The following CHST10 variants were observed in gnomAD, a reference collection of about 807,000 sequenced individuals.
CHST10 encodes HNK-1 sulfotransferase.
In CHST10, 24 loss-of-function variants were observed where a neutral mutation model predicts 34.7. The ratio of observed to expected loss-of-function variants is 0.69; its 90% CI spans 0.50 to 0.97. The LOEUF (loss-of-function observed/expected upper bound fraction) is 0.97. CHST10 is among the 50% of genes least tolerant of loss of function. CHST10 has a pLI of 0.00. For synonymous variants in CHST10, 161 were observed against 169.3 expected (o/e 0.95, Z 0.38); for missense variants, 402 against 452.1 (o/e 0.89, Z 1.00).
chr2:100,395,897 C>A (rs1174739984), intron 5 of CHST10, among the ~76,000 whole-genome samples: 2 of 152,176 alleles, frequency 1.3e-5, no homozygotes, highest in East Asian at 3.9e-4. Context: ...CAGTGCCTAC[C>A]CCTGGCAATG....
At chr2:100,397,866 C>G in intron 5 of CHST10, 42 bp downstream of exon 5, 2 of 1,535,792 alleles carry the variant, frequency 1.3e-6, no homozygotes, top group Non-Finnish European at 1.8e-6. Flanking sequence ...GCACCGGCCA[C>G]CAAGACCCTT....
intron 4 of CHST10, among the ~76,000 whole-genome samples, chr2:100,398,871 G>C (rs1675200068): frequency 1.3e-5 from 2 of 152,118 alleles, no homozygotes; most frequent in Admixed American, 1.3e-4. Context: ...TGTGTGCATG[G>C]GTTGGAGGGG....
chr2:100,397,298 T>C (rs1675106427), intron 5 of CHST10, among the ~76,000 whole-genome samples: 1 of 152,224 alleles, frequency 6.6e-6, no homozygotes, highest in African/African-American at 2.4e-5. Flanking sequence ...TGAGGTTACT[T>C]TGTGATGATC....
At position 100,393,283 on chromosome 2, in the gene CHST10, G is replaced by A. The variant is rs1401096800; in HGVS notation, c.1033C>T (p.Leu345Phe). 1.2e-6 allele frequency: 2 copies of A among 1,614,192 alleles called. No individual in the cohort carries two copies. The highest frequency in any genetic ancestry group is 1.7e-6 in the Non-Finnish European group (2 of 1,180,034). Reference protein sequence around the residue: ...LYARFEGDFKLFGYQKPDFLL... With the variant: ...LYARFEGDFKFFGYQKPDFLL... Reference sequence around the variant, plus strand: ...AAGTCTGGTTTCTGGTACCCAAAGAGCTTAAAGTCCCCTTCGAAACGGGCA... The same window carrying A: ...AAGTCTGGTTTCTGGTACCCAAAGAACTTAAAGTCCCCTTCGAAACGGGCA... Residue 345 changes from leucine to phenylalanine, a missense_variant, in exon 7 of 7, where the codon CTC becomes TTC. Physicochemically the swap from Leu to Phe is conservative, Grantham distance 22 (BLOSUM62 0). Coordinates refer to ENST00000264249, the MANE Select transcript of CHST10 (RefSeq NM_004854.5).
intron 2 of CHST10, among the ~76,000 whole-genome samples, chr2:100,414,467 G>A (rs375589451): frequency 9.9e-5 from 15 of 152,112 alleles, no homozygotes; most frequent in African/African-American, 3.4e-4. Context: ...CTGCAGAAAC[G>A]GGGACATTTC....
Position 100,415,012 on chromosome 2 carries a change from C to G in CHST10, c.-33+29G>C, listed in dbSNP as rs370608495. On this transcript the variant is annotated intron_variant, in intron 2 of 6. Transcript: ENST00000264249. ...AATACTGAATGGCATGCTCAAATAA[C>G]TGATGAGCTCACATTCTCCTTCACG... 41 of 1,287,162 alleles carry G rather than the reference C, an allele frequency of 3.2e-5. No homozygotes were observed. The African/African-American group carries it at 3.2e-4, about 10-fold the overall frequency. The allele number at this position is 1,287,162 out of a possible 1,614,324, so 79.7% of individuals were successfully genotyped here. A position where few individuals can be genotyped will look rare whatever the true frequency, so the allele number is the denominator to read the frequency against.
intron 3 of CHST10, among the ~76,000 whole-genome samples, chr2:100,404,328 G>A (rs1304327342): frequency 1.3e-5 from 2 of 152,102 alleles, no homozygotes; most frequent in Non-Finnish European, 2.9e-5. Context: ...CAGTGACCCA[G>A]CACCCACACA....
At chr2:100,410,270 G>A (rs926670394) in intron 2 of CHST10, among the ~76,000 whole-genome samples, 16 of 152,144 alleles carry the variant, frequency 1.1e-4, no homozygotes, top group Admixed American at 9.2e-4. Flanking sequence ...CTTTCCCATG[G>A]GCAGCAGAGG....
intron 4 of CHST10, among the ~76,000 whole-genome samples, chr2:100,398,936 G>A (rs538361045): frequency 5.3e-5 from 8 of 152,110 alleles, no homozygotes; most frequent in South Asian, 2.1e-4. Flanking sequence ...CCCTGTCCTC[G>A]GTGAGTTAAA....
At chr2:100,410,463 CTGG>C (rs546494140) in intron 2 of CHST10, among the ~76,000 whole-genome samples, 445 of 152,350 alleles carry the variant, frequency 2.9e-3, no homozygotes, top group African/African-American at 0.01. Flanking sequence ...AGCACAGTGC[CTGG>C]CGCACCATGA....
At chr2:100,402,692 GA>G in intron 3 of CHST10, 37 bp from the exon 4 acceptor site, 1 of 1,570,654 alleles carries the variant, frequency 6.4e-7, no homozygotes, top group African/African-American at 1.3e-5. Flanking sequence ...TCTCTAAAAG[GA>G]AAAGGCACAC....
chr2:100,406,202 AC>A (rs1299014147), intron 3 of CHST10, among the ~76,000 whole-genome samples: 5 of 152,162 alleles, frequency 3.3e-5, no homozygotes, highest in Non-Finnish European at 7.3e-5. Context: ...TTGAGGCTGC[AC>A]CTCTCATGAT....
chr2:100,399,387 A>G (rs1001198741), intron 4 of CHST10, among the ~76,000 whole-genome samples: 6 of 152,174 alleles, frequency 3.9e-5, no homozygotes, highest in East Asian at 1.9e-4. Flanking sequence ...TTACAGGCGT[A>G]AGCCACCACG....
At chr2:100,400,630 A>C (rs1340602076) in intron 4 of CHST10, among the ~76,000 whole-genome samples, 1 of 152,212 alleles carries the variant, frequency 6.6e-6, no homozygotes, top group Non-Finnish European at 1.5e-5. Flanking sequence ...ACTTAAAGAC[A>C]AATATTATTT....
At position 100,402,594 on chromosome 2, in the gene CHST10, T is replaced by C. The variant is rs147738475; in HGVS notation, c.162A>G (p.Pro54=). Residue 54 remains proline (P), a synonymous_variant, in exon 4 of 7, where the codon CCA becomes CCG. Coordinates refer to ENST00000264249, the MANE Select transcript of CHST10 (RefSeq NM_004854.5). ...LTTMPEVRKL[P]EEKHIPEELK... is the part of the protein sequence containing the mutation. ...GTTCCTCAGGAATGTGCTTCTCTTCTGGCAACTTCCTCACTTCCGGCATGG... is the reference window on the plus strand; with the variant it reads ...GTTCCTCAGGAATGTGCTTCTCTTCCGGCAACTTCCTCACTTCCGGCATGG... The C allele has an allele frequency of 2.8e-5, 45 of 1,613,818 alleles. No individual in the cohort carries two copies. The highest frequency in any genetic ancestry group is 3.4e-5 in the Non-Finnish European group (40 of 1,179,880).
chr2:100,404,036 C>T (rs912937832), intron 3 of CHST10, among the ~76,000 whole-genome samples: 1 of 152,210 alleles, frequency 6.6e-6, no homozygotes, highest in Admixed American at 6.5e-5. Context: ...AGCCCAGCGT[C>T]CTTGTGCACT....
rs1266087761 is a variant in CHST10, at chr2:100,406,569, T to A, written c.100+7A>T. ...CCAAAATTCGTTCCACCATGAAGCA[T>A]ACGTACCATCTGGGTCTTTAAAGGT... On this transcript the variant is annotated splice_region_variant and intron_variant, in intron 3 of 6. Transcript: ENST00000264249. The A allele has an allele frequency of 1.2e-6, 2 of 1,614,146 alleles. No individual in the cohort carries two copies. Among genetic ancestry groups the A allele is most frequent in the Non-Finnish European group, 1.7e-6 (2 of 1,180,024 alleles).
intron 2 of CHST10, among the ~76,000 whole-genome samples, chr2:100,413,014 C>A (rs1186024477): frequency 6.6e-6 from 1 of 152,186 alleles, no homozygotes; most frequent in Non-Finnish European, 1.5e-5. Flanking sequence ...TGCATTGTTT[C>A]CTTGAATACA....
At chr2:100,414,983 G>T in intron 2 of CHST10, 58 bp downstream of exon 2, 1 of 1,189,934 alleles carries the variant, frequency 8.4e-7, no homozygotes, top group Non-Finnish European at 1.1e-6. Flanking sequence ...AAAAAGGCAG[G>T]AACAATACTG....
Sources: gnomAD v4.1 joint callset for allele counts (sites outside exome capture counted in the v4.1 genomes callset) on GRCh38, gnomAD v4.1.1 for gene constraint, MANE v1.5 for transcripts, NCBI Gene and HGNC (gene_info 2026-07-23, HGNC 2026-07-21) for gene names.